SORBS2: variants seen among roughly 807,000 people sequenced by gnomAD.
The protein encoded by SORBS2 is sorbin and SH3 domain containing 2.
In SORBS2, 46 loss-of-function variants were observed where a neutral mutation model predicts 97.7. That is an observed-to-expected ratio of 0.47 (90% CI 0.37 to 0.60). SORBS2 has a LOEUF of 0.60. Among genes scored for constraint, SORBS2 ranks in the 20% least tolerant of loss-of-function variants. The pLI, the probability that SORBS2 is intolerant of heterozygous loss-of-function variation, is 0.00. For synonymous variants in SORBS2, 476 were observed against 473.4 expected (o/e 1.01, Z -0.07); for missense variants, 1,316 against 1,282.3 (o/e 1.03, Z -0.40).
chr4:185,873,334 C>T (rs182784076), intron 1 of SORBS2, among the ~76,000 whole-genome samples: 12 of 152,250 alleles, frequency 7.9e-5, no homozygotes, highest in South Asian at 4.1e-4. Flanking sequence ...TAATGATGCC[C>T]GCTTCTATTT....
At chr4:185,757,036 G>T in intron 2 of SORBS2, 1 of 859,972 alleles carries the variant, frequency 1.2e-6, no homozygotes, top group Non-Finnish European at 2.0e-6. Flanking sequence ...TCAATGTCTT[G>T]CATGATGAAC....
In SORBS2 at chr4:185,623,387, G is replaced by A; in HGVS notation, c.1742C>T (p.Ala581Val). ...GGGCTCCTCGGTGTTTTCGTGTCTG[G>A]CTCTTTCGTGTTTTAACATTGTGGT... Residue 581 changes from alanine (A) to valine (V), a missense_variant, in exon 7 of 15, where the codon GCC (alanine) becomes GTC (valine). Transcript: ENST00000418609. The surrounding 1 kb of genome is among the most constrained non-coding windows in gnomAD (Gnocchi z 6.4). 1.2e-6 allele frequency: 2 copies of A among 1,612,402 alleles called. No homozygotes were observed. Among genetic ancestry groups the A allele is most frequent in the Non-Finnish European group, 8.5e-7 (1 of 1,180,014 alleles).
At chr4:185,921,187 C>T (rs576541885) in intron 1 of SORBS2, among the ~76,000 whole-genome samples, 6 of 152,318 alleles carry the variant, frequency 3.9e-5, no homozygotes, top group East Asian at 3.9e-4. Context: ...TTCTCGTAGA[C>T]GTTAGACAGC....
At chr4:185,730,632 T>C (rs1255548613) in intron 2 of SORBS2, among the ~76,000 whole-genome samples, 1 of 152,250 alleles carries the variant, frequency 6.6e-6, no homozygotes. Flanking sequence ...GCTCAGGCAC[T>C]CCTTGGGTGA....
At chr4:185,653,362 G>A (rs1177778105) in intron 1 of SORBS2, among the ~76,000 whole-genome samples, 4 of 152,210 alleles carry the variant, frequency 2.6e-5, no homozygotes, top group African/African-American at 7.2e-5. Flanking sequence ...TAGGTTCCTT[G>A]AGAGTAGAAG....
At position 185,623,723 on chromosome 4, in the gene SORBS2, G is replaced by A. The variant is rs762042567; in HGVS notation, c.1406C>T (p.Ala469Val). The stretch of plus-strand genomic sequence containing the variant: ...AGACTGGCAGCCTCGCCGGCCCCGA[G>A]CGGGGGGGCCGCTTTGATTTTCTTC... Residue 469 changes from alanine to valine, a missense_variant, in exon 7 of 15, where the codon GCT (alanine) becomes GTT (valine). Transcript: ENST00000418609. The surrounding 1 kb of genome is among the most constrained non-coding windows in gnomAD (Gnocchi z 6.4). The A allele has an allele frequency of 3.1e-6, 5 of 1,613,968 alleles. No individual in the cohort carries two copies. Among genetic ancestry groups the A allele is most frequent in the Non-Finnish European group, 2.5e-6 (3 of 1,180,020 alleles).
At chr4:185,657,899 C>T (rs1310585599), upstream of SORBS2, among the ~76,000 whole-genome samples, 3 of 152,128 alleles carry the variant, frequency 2.0e-5, no homozygotes, top group East Asian at 5.8e-4. Flanking sequence ...TCTTCTTATC[C>T]TTCCAGTAAT....
intron 1 of SORBS2, among the ~76,000 whole-genome samples, chr4:185,852,299 G>A (rs1348019464): frequency 2.6e-5 from 4 of 152,140 alleles, no homozygotes; most frequent in African/African-American, 4.8e-5. Flanking sequence ...AAGGACTAGC[G>A]CTTTCAGCCC....
rs1434488676 is a variant in SORBS2 at position 185,693,641 on chromosome 4, A to C, written c.-197-14819T>G. ...GGCAACGCTGTGCTTACAACTGCTTAAGGTTTTAAAACGGAATGAGGAAGA... is the reference window on the plus strand; with the variant it reads ...GGCAACGCTGTGCTTACAACTGCTTCAGGTTTTAAAACGGAATGAGGAAGA... On this transcript the variant is annotated intron_variant, in intron 2 of 20. Transcript: ENST00000284776. Among the ~76,000 whole-genome samples the C allele has an allele frequency of 5.3e-5, 8 of 152,208 alleles. No individual in the cohort carries two copies. The East Asian group carries it at 1.5e-3, about 29-fold the overall frequency.
At chr4:185,764,844 G>T (rs2098924979) in intron 2 of SORBS2, among the ~76,000 whole-genome samples, 1 of 152,136 alleles carries the variant, frequency 6.6e-6, no homozygotes, top group East Asian at 1.9e-4. Flanking sequence ...AAAGCCTGCT[G>T]CACATGTCTC....
At chr4:185,940,207 T>G (rs77090311) in intron 1 of SORBS2, among the ~76,000 whole-genome samples, 9,542 of 152,232 alleles carry the variant, frequency 0.063, 522 homozygotes, top group African/African-American at 0.14. Flanking sequence ...TAAACACTGA[T>G]AGCTCCCAAA....
chr4:185,618,603 A>G (rs777070018), exon 9 of SORBS2: 2 of 1,538,860 alleles, frequency 1.3e-6, no homozygotes, highest in Non-Finnish European at 1.8e-6. Flanking sequence ...CTGAGCCTTA[A>G]AATCATAAAC....
intron 1 of SORBS2, among the ~76,000 whole-genome samples, chr4:185,938,746 C>A (rs570597487): frequency 6.6e-6 from 1 of 152,172 alleles, no homozygotes; most frequent in Admixed American, 6.5e-5. Context: ...GCTTTCCCCC[C>A]CAGCAGCCTG....
intron 1 of SORBS2, chr4:185,775,788 T>C (rs980351820): frequency 1.3e-5 from 2 of 152,236 alleles, no homozygotes; most frequent in South Asian, 2.1e-4. Flanking sequence ...TCTTAAGAAA[T>C]AGTTGAGAGC....
chr4:185,636,486 T>G (rs1410961927), intron 4 of SORBS2, among the ~76,000 whole-genome samples: 3 of 152,132 alleles, frequency 2.0e-5, no homozygotes, highest in African/African-American at 7.2e-5. Flanking sequence ...GGTATAGAAA[T>G]GGTTATATCC....
chr4:185,813,073 C>A (rs1460732708), intron 1 of SORBS2: 1 of 152,180 alleles, frequency 6.6e-6, no homozygotes, highest in East Asian at 1.9e-4. Flanking sequence ...TTCTGCAGAA[C>A]CCCCAGGCTT....
upstream of SORBS2, chr4:185,657,723 T>A: frequency 3.6e-6 from 3 of 837,108 alleles, no homozygotes; most frequent in Non-Finnish European, 5.5e-6. Flanking sequence ...CCCTTTTAAC[T>A]CATTTACTTT....
In SORBS2 at chr4:185,950,813, A is replaced by G. The variant is rs921905325; in HGVS notation, c.-338+5383T>C. On this transcript the variant is annotated intron_variant, in intron 1 of 20. Transcript: ENST00000284776. ...AATCGCACTATGGCCTGCACGGCGG[A>G]TATCTGCTCTTTTGGGGTTGAGGGA... Among the ~76,000 whole-genome samples the G allele has an allele frequency of 1.2e-4, 19 of 152,272 alleles. No homozygotes were observed. The South Asian group carries it at 3.9e-3, about 32-fold the overall frequency.
chr4:185,620,657 G>C (rs1483557699), intron 7 of SORBS2, among the ~76,000 whole-genome samples: 1 of 152,096 alleles, frequency 6.6e-6, no homozygotes, highest in Non-Finnish European at 1.5e-5. Context: ...TGACAGGAGG[G>C]TGGTGATGAA....
Sources: gnomAD v4.1 joint callset for allele counts (sites outside exome capture counted in the v4.1 genomes callset) on GRCh38, gnomAD v4.1.1 for gene constraint, Gnocchi (gnomAD v3.1) non-coding constraint, MANE v1.5 for transcripts, NCBI Gene and HGNC (gene_info 2026-07-23, HGNC 2026-07-21) for gene names.